LRRC46: variants seen among roughly 807,000 people sequenced by gnomAD.
LRRC46 encodes leucine-rich repeat-containing protein 46.
LRRC46 carries 20 observed loss-of-function variants against 28.0 expected under a neutral mutation model. The ratio of observed to expected loss-of-function variants is 0.71; its 90% CI spans 0.50 to 1.04. LRRC46 has a LOEUF of 1.04. Among genes scored for constraint, LRRC46 ranks in the 50% least tolerant of loss-of-function variants. The pLI, the probability that LRRC46 is intolerant of heterozygous loss-of-function variation, is 0.00. For synonymous variants in LRRC46, 156 were observed against 158.8 expected (o/e 0.98, Z 0.13); for missense variants, 315 against 390.1 (o/e 0.81, Z 1.62).
In LRRC46 at chr17:47,836,341, T is replaced by C. The variant is rs1324047739; in HGVS notation, c.461T>C (p.Val154Ala). ...CTCCTTCTGCTCTGCAGCGAGCTGG[T>C]GACAGAAGCCCTGCCACTTCTCCTG... The part of the protein sequence containing the change: ...CTNQDGYREL[V>A]TEALPLLLDL... Residue 154 changes from valine to alanine, a missense_variant, in exon 7 of 8, where the codon GTG becomes GCG. Coordinates refer to ENST00000269025, the MANE Select transcript of LRRC46 (RefSeq NM_033413.4). This position sits in a 1 kb window ranked among gnomAD's most constrained non-coding sequence, Gnocchi z 5.8. 1.9e-6 allele frequency: 3 copies of C among 1,613,858 alleles called. No homozygotes were observed. The South Asian group carries it at 3.3e-5, about 18-fold the overall frequency.
chr17:47,835,116 AAG>A, intron 3 of LRRC46: 1 of 542,700 alleles, frequency 1.8e-6, no homozygotes, highest in Non-Finnish European at 3.3e-6. Context: ...GTGGAATCAG[AAG>A]AGTATACGTA....
At position 47,836,617 on chromosome 17, in the gene LRRC46, T is replaced by A; in HGVS notation, c.596-133T>A. 6.7e-7 allele frequency: 1 copy of A among 1,488,924 alleles called. No individual in the cohort carries two copies. Among genetic ancestry groups the A allele is most frequent in the Non-Finnish European group, 9.0e-7 (1 of 1,110,400 alleles). 92.2% of individuals were successfully genotyped at this position (1,488,924 alleles called of 1,614,324 possible). A position where few individuals can be genotyped will look rare whatever the true frequency, so the allele number is the denominator to read the frequency against. ...CATCTGGGCCAGAGCCAGGTGTCAG[T>A]CCTGGGCCCCAGCCTCAGGCTCCTT... On this transcript the variant is annotated intron_variant, in intron 7 of 7. Transcript: ENST00000269025. The surrounding 1 kb of genome is among the most constrained non-coding windows in gnomAD (Gnocchi z 5.8).
chr17:47,837,076 G>A lies in LRRC46; in HGVS notation c.922G>A (p.Ala308Thr), dbSNP rs1341647670. Residue 308 changes from alanine to threonine, a missense_variant, in exon 8 of 8, where the codon GCC becomes ACC. Physicochemically the swap from Ala to Thr is moderately conservative, Grantham distance 58. Transcript: ENST00000269025. ...AGCCCCCAAGGCCTCTGTGGCTGAG[G>A]CCCCCAGCACAACCAAAACTACGGC... The part of the protein sequence containing the change: ...ATAPKASVAE[A>T]PSTTKTTAKR... 3 of 1,605,728 alleles carry A rather than the reference G, an allele frequency of 1.9e-6. No homozygotes were observed. The highest frequency in any genetic ancestry group is 2.5e-6 in the Non-Finnish European group (3 of 1,178,028).
chr17:47,834,114 C>G (rs1201620238), intron 2 of LRRC46: 7 of 1,048,346 alleles, frequency 6.7e-6, no homozygotes, highest in Non-Finnish European at 8.0e-6. Flanking sequence ...CCAAGCTGGC[C>G]AGAGGAAGGT....
In LRRC46 at chr17:47,834,550, C is replaced by A; in HGVS notation, c.225+17C>A. 1 of 1,535,746 alleles carries A rather than the reference C, an allele frequency of 6.5e-7. No homozygotes were observed. Among genetic ancestry groups the A allele is most frequent in the Non-Finnish European group, 9.0e-7 (1 of 1,109,996 alleles). On this transcript the variant is annotated intron_variant, in intron 3 of 7. Coordinates refer to ENST00000269025, the MANE Select transcript of LRRC46 (RefSeq NM_033413.4). ...CTGCAAGGGGTAACTTCTTTCTCCA[C>A]CCTTCCCCTCCCCTTGACCCCTGTG...
chr17:47,836,865 C>T lies in LRRC46; in HGVS notation c.711C>T (p.Pro237=). ...MEMQPTLTDL[P]LLPGVPMAGD... ...TGCAGCCCACCCTCACCGACCTGCC[C>T]CTGCTACCTGGGGTGCCCATGGCTG... Residue 237 remains proline, a synonymous_variant, in exon 8 of 8, where the codon CCC becomes CCT. Coordinates refer to ENST00000269025, the MANE Select transcript of LRRC46 (RefSeq NM_033413.4). This position sits in a 1 kb window ranked among gnomAD's most constrained non-coding sequence, Gnocchi z 5.8. 1 of 1,613,934 alleles carries T rather than the reference C, an allele frequency of 6.2e-7. No homozygotes were observed. The highest frequency in any genetic ancestry group is 1.7e-5 in the Admixed American group (1 of 60,010).
chr17:47,835,447 T>C lies in LRRC46; in HGVS notation c.272+48T>C, dbSNP rs745874917. On this transcript the variant is annotated intron_variant, in intron 4 of 7. Coordinates refer to ENST00000269025, the MANE Select transcript of LRRC46 (RefSeq NM_033413.4). Reference sequence around the variant, plus strand: ...CAGGGGAAGAGGGGTTGGGGGAACCTAGCCATATCCCAAAGAACTGGTTCA... The same window carrying C: ...CAGGGGAAGAGGGGTTGGGGGAACCCAGCCATATCCCAAAGAACTGGTTCA... 8 of 1,602,924 alleles carry C rather than the reference T, an allele frequency of 5.0e-6. No homozygotes were observed. The East Asian group carries it at 1.1e-4, about 22-fold the overall frequency.
chr17:47,835,625 A>G (rs1404399823), intron 4 of LRRC46, 41 bp from the exon 5 acceptor site: 7 of 1,588,778 alleles, frequency 4.4e-6, no homozygotes, highest in South Asian at 2.2e-5. Flanking sequence ...CAGCTGTTCC[A>G]TGATTCAGCT....
intron 2 of LRRC46, among the ~76,000 whole-genome samples, chr17:47,833,293 TTC>T (rs1474430984): frequency 2.6e-5 from 4 of 152,098 alleles, no homozygotes; most frequent in Admixed American, 2.6e-4. Context: ...CTGTACTTGC[TTC>T]TGTTATCCAC....
chr17:47,834,714 A>C, intron 3 of LRRC46, 181 bp downstream of exon 3: 1 of 518,224 alleles, frequency 1.9e-6, no homozygotes, highest in East Asian at 3.2e-5. Context: ...TTCCCTCAAA[A>C]TAGATCCTGA....
chr17:47,834,897 TTGG>T (rs963233280), intron 3 of LRRC46: 73 of 225,850 alleles, frequency 3.2e-4, no homozygotes, highest in East Asian at 5.8e-4. Flanking sequence ...TGAAGGCTGT[TTGG>T]TGGTGGTGGT....
intron 2 of LRRC46, chr17:47,833,750 C>CTTTT (rs34618388): frequency 0.25 from 34,677 of 137,028 alleles, 5,761 homozygotes; most frequent in Non-Finnish European, 0.36. Flanking sequence ...CGCCCAGCCT[C>CTTTT]TTTTTTTTTT....
In LRRC46 at chr17:47,836,061, C is replaced by T. The variant is rs1445831686; in HGVS notation, c.411C>T (p.Leu137=). Reference sequence around the variant, plus strand: ...AGTTCCCCCAGAGCCTTCTCATCCTCAACCTGTCTGGAAACAGCTGCACCA... The same window carrying T: ...AGTTCCCCCAGAGCCTTCTCATCCTTAACCTGTCTGGAAACAGCTGCACCA... ...LDEFPQSLLI[L]NLSGNSCTNQ... The change falls in exon 6 of 8, where the codon CTC becomes CTT. Residue 137 remains leucine (L), a synonymous_variant. Transcript: ENST00000269025. The surrounding 1 kb of genome is among the most constrained non-coding windows in gnomAD (Gnocchi z 5.8). 2 of 1,614,218 alleles carry T rather than the reference C, an allele frequency of 1.2e-6. No individual in the cohort carries two copies. The highest frequency in any genetic ancestry group is 2.2e-5 in the South Asian group (2 of 91,084).
Position 47,831,832 on chromosome 17 carries a change from C to G in LRRC46, c.-158C>G. On this transcript the variant is annotated 5_prime_UTR_variant, in exon 1 of 8. Coordinates refer to ENST00000269025, the MANE Select transcript of LRRC46 (RefSeq NM_033413.4). Reference sequence around the variant, plus strand: ...ATTTACTGTTTTCTTCGACCTCACCCCAGCAATTTTCTCTGAATCAACCCC... The same window carrying G: ...ATTTACTGTTTTCTTCGACCTCACCGCAGCAATTTTCTCTGAATCAACCCC... 4 of 928,986 alleles carry G rather than the reference C, an allele frequency of 4.3e-6. No homozygotes were observed. The highest frequency in any genetic ancestry group is 3.4e-4 in the Middle Eastern group (1 of 2,972). 57.5% of individuals were successfully genotyped at this position (928,986 alleles called of 1,614,324 possible).
In LRRC46 at chr17:47,837,427, C is replaced by T. The variant is rs35011171; in HGVS notation, c.*307C>T. Reference sequence around the variant, plus strand: ...CACTTGGGCAGGAAGCGGGCACCACCTCATGGAAGAGGCATGCCATCTCAC... The same window carrying T: ...CACTTGGGCAGGAAGCGGGCACCACTTCATGGAAGAGGCATGCCATCTCAC... On this transcript the variant is annotated 3_prime_UTR_variant, in exon 8 of 8. Coordinates refer to ENST00000269025, the MANE Select transcript of LRRC46 (RefSeq NM_033413.4). 4 of 435,930 alleles carry T rather than the reference C, an allele frequency of 9.2e-6. No individual in the cohort carries two copies. Among genetic ancestry groups the T allele is most frequent in the Non-Finnish European group, 1.2e-5 (3 of 246,498 alleles). 27.0% of individuals were successfully genotyped at this position (435,930 alleles called of 1,614,324 possible).
Position 47,836,991 on chromosome 17 carries a change from T to C in LRRC46, c.837T>C (p.Ser279=), listed in dbSNP as rs140455780. Residue 279 remains serine, a synonymous_variant, in exon 8 of 8, where the codon AGT becomes AGC. Coordinates refer to ENST00000269025, the MANE Select transcript of LRRC46 (RefSeq NM_033413.4). This position sits in a 1 kb window ranked among gnomAD's most constrained non-coding sequence, Gnocchi z 5.8. ...QASSPTKKPC[S]LIPRGHQSSF... Reference sequence around the variant, plus strand: ...CCTCTCCCACCAAGAAACCATGCAGTCTGATTCCCAGGGGCCACCAAAGCT... The same window carrying C: ...CCTCTCCCACCAAGAAACCATGCAGCCTGATTCCCAGGGGCCACCAAAGCT... 262 of 1,611,530 alleles carry C rather than the reference T, an allele frequency of 1.6e-4. No homozygotes were observed. Among genetic ancestry groups the C allele is most frequent in the Non-Finnish European group, 2.1e-4 (242 of 1,179,362 alleles).
At chr17:47,835,969 G>A (rs557613374) in intron 5 of LRRC46, 64 bp from the exon 6 acceptor site, 34 of 1,572,088 alleles carry the variant, frequency 2.2e-5, no homozygotes, top group Non-Finnish European at 2.6e-5. Context: ...CATTCCCATC[G>A]CTTCATGGTC....
Position 47,836,804 on chromosome 17 carries a change from A to G in LRRC46, c.650A>G (p.Gln217Arg). The G allele has an allele frequency of 3.7e-6, 6 of 1,613,962 alleles. No individual in the cohort carries two copies. The highest frequency in any genetic ancestry group is 5.1e-6 in the Non-Finnish European group (6 of 1,180,000). Reference protein sequence around the residue: ...ELSRHREHRQQTALTEHLLRM... With the variant: ...ELSRHREHRQRTALTEHLLRM... ...AGCAGGCACAGGGAGCACCGGCAACAGACGGCCCTGACAGAGCACCTGCTG... is the reference window on the plus strand; with the variant it reads ...AGCAGGCACAGGGAGCACCGGCAACGGACGGCCCTGACAGAGCACCTGCTG... The change falls in exon 8 of 8, where the codon CAG becomes CGG. Residue 217 changes from glutamine to arginine, a missense_variant. Physicochemically the swap from Gln to Arg is conservative, Grantham distance 43 (BLOSUM62 1). Transcript: ENST00000269025. The surrounding 1 kb of genome is among the most constrained non-coding windows in gnomAD (Gnocchi z 5.8).
At position 47,837,633 on chromosome 17, in the gene LRRC46, C is replaced by T. The variant is rs902912830; in HGVS notation, c.*513C>T. On this transcript the variant is annotated 3_prime_UTR_variant, in exon 8 of 8. Coordinates refer to ENST00000269025, the MANE Select transcript of LRRC46 (RefSeq NM_033413.4). ...GGCCCCGCAGCCAGCCCACAGCTGCCTTTGGGCCTCACTTGGCTCTCCCAC... is the reference window on the plus strand; with the variant it reads ...GGCCCCGCAGCCAGCCCACAGCTGCTTTTGGGCCTCACTTGGCTCTCCCAC... The T allele has an allele frequency of 1.5e-5, 9 of 612,022 alleles. No individual in the cohort carries two copies. Among genetic ancestry groups the T allele is most frequent in the African/African-American group, 1.9e-5 (1 of 51,710 alleles). 37.9% of individuals were successfully genotyped at this position (612,022 alleles called of 1,614,324 possible). A position where few individuals can be genotyped will look rare whatever the true frequency, so the allele number is the denominator to read the frequency against.
Sources: allele counts gnomAD v4.1 joint callset (sites outside exome capture counted in the v4.1 genomes callset), GRCh38; gene constraint gnomAD v4.1.1; non-coding constraint Gnocchi (gnomAD v3.1); transcripts MANE v1.5; gene names NCBI Gene and HGNC (gene_info 2026-07-23, HGNC 2026-07-21).